The following ZNF521 variants were observed in gnomAD, a reference collection of about 807,000 sequenced individuals.
ZNF521 encodes the protein zinc finger protein 521.
In ZNF521, 14 loss-of-function variants were observed where a neutral mutation model predicts 105.5. That is an observed-to-expected ratio of 0.13 (90% CI 0.09 to 0.21). ZNF521 has a LOEUF of 0.21. Ranked by LOEUF, ZNF521 falls within the 10% of genes least tolerant of loss-of-function variation. The probability of loss-of-function intolerance (pLI) is 1.00; values close to 1 mark genes in which losing one functional copy is unlikely to be tolerated. For missense variants in ZNF521, 1,233 were observed against 1,629.7 expected, an observed-to-expected ratio of 0.76 and a Z score of 4.19; for synonymous variants, 635 against 606.0, an observed-to-expected ratio of 1.05 and a Z score of -0.70.
chr18:25,261,747 A>G (rs2144896672), intron 3 of ZNF521, among the ~76,000 whole-genome samples: 1 of 152,004 alleles, frequency 6.6e-6, no homozygotes, highest in Non-Finnish European at 1.5e-5. Flanking sequence ...CCCTGACCAG[A>G]TGGAACTCTA....
intron 5 of ZNF521, among the ~76,000 whole-genome samples, chr18:25,165,633 C>G (rs1351321837): frequency 6.6e-6 from 1 of 152,180 alleles, no homozygotes; most frequent in African/African-American, 2.4e-5. Flanking sequence ...GCTTTGTACT[C>G]AAAGTAATAA....
chr18:25,099,640 T>C (rs1057286399), intron 5 of ZNF521, among the ~76,000 whole-genome samples: 1 of 152,226 alleles, frequency 6.6e-6, no homozygotes, highest in African/African-American at 2.4e-5. Context: ...TAAACAATTT[T>C]TATTAATTGT....
At chr18:25,139,821 T>C (rs1267333631) in intron 5 of ZNF521, among the ~76,000 whole-genome samples, 1 of 152,082 alleles carries the variant, frequency 6.6e-6, no homozygotes, top group African/African-American at 2.4e-5. Flanking sequence ...TCCCTGAAGG[T>C]GGTGGTATTA....
rs144717292 is a variant in ZNF521, at chr18:25,325,964, T to C, written c.41-3777A>G. 5.0e-3 allele frequency among the ~76,000 whole-genome samples: 761 copies of C among 152,260 alleles called. 2 individuals carry two copies. The highest frequency in any genetic ancestry group is 8.4e-3 in the Non-Finnish European group (573 of 68,016). ...ATTGCTATAACTTGCTTTAATAAAA[T>C]TACAACTGTGGGGAAAATGAAAAAT... On this transcript the variant is annotated intron_variant, in intron 2 of 7. Coordinates refer to ENST00000361524, the MANE Select transcript of ZNF521 (RefSeq NM_015461.3).
rs75509956 is a variant in ZNF521 at position 25,339,944 on chromosome 18, T to C, written c.40+10963A>G. Reference sequence around the variant, plus strand: ...CTAGAAGAGATTCAAAGTGAAGCCATGGACATCACTAAAGGTTTGGGACAT... The same window carrying C: ...CTAGAAGAGATTCAAAGTGAAGCCACGGACATCACTAAAGGTTTGGGACAT... On this transcript the variant is annotated intron_variant, in intron 2 of 7. Transcript: ENST00000361524. Among the ~76,000 whole-genome samples, 401 of 152,288 alleles carry C rather than the reference T, an allele frequency of 2.6e-3. 2 individuals carry two copies. The highest frequency in any genetic ancestry group is 9.3e-3 in the African/African-American group (385 of 41,564).
intron 5 of ZNF521, among the ~76,000 whole-genome samples, chr18:25,125,851 A>G (rs1459001236): frequency 6.6e-6 from 1 of 151,954 alleles, no homozygotes; most frequent in Non-Finnish European, 1.5e-5. Context: ...TGTGGATATT[A>G]GTCCACATTT....
intron 3 of ZNF521, among the ~76,000 whole-genome samples, chr18:25,257,836 A>G (rs933034067): frequency 1.3e-5 from 2 of 152,180 alleles, no homozygotes; most frequent in African/African-American, 4.8e-5. Flanking sequence ...ATATCCCATT[A>G]TAACGGGTGA....
In ZNF521 at chr18:25,340,516, T is replaced by G. The variant is rs143223581; in HGVS notation, c.40+10391A>C. Among the ~76,000 whole-genome samples the G allele has an allele frequency of 6.6e-5, 10 of 152,300 alleles. No homozygotes were observed. The East Asian group carries it at 1.9e-3, about 29-fold the overall frequency. The stretch of plus-strand genomic sequence containing the variant: ...CTGCGTTTGGAAATTTTTGCCAGTC[T>G]TTGATTTTGTTCCATCAGCTATAAC... On this transcript the variant is annotated intron_variant, in intron 2 of 7. Transcript: ENST00000361524.
chr18:25,154,379 T>A (rs1483885436), intron 5 of ZNF521, among the ~76,000 whole-genome samples: 1 of 152,082 alleles, frequency 6.6e-6, no homozygotes, highest in African/African-American at 2.4e-5. Flanking sequence ...GACAAAAAGA[T>A]TTTTCTCAGA....
intron 3 of ZNF521, among the ~76,000 whole-genome samples, chr18:25,273,922 G>C (rs938477180): frequency 6.6e-5 from 10 of 152,204 alleles, no homozygotes; most frequent in African/African-American, 2.4e-4. Flanking sequence ...TAGAACCACA[G>C]AACTTCAGGG....
At chr18:25,111,001 G>A (rs1272958943) in intron 5 of ZNF521, among the ~76,000 whole-genome samples, 2 of 151,988 alleles carry the variant, frequency 1.3e-5, no homozygotes, top group African/African-American at 2.4e-5. Context: ...GGCCTTAAGT[G>A]TTCCACCCTC....
intron 5 of ZNF521, among the ~76,000 whole-genome samples, chr18:25,184,254 ATAAGT>A (rs2035682752): frequency 6.6e-6 from 1 of 152,184 alleles, no homozygotes; most frequent in Non-Finnish European, 1.5e-5. Flanking sequence ...TGCCTTTTAA[ATAAGT>A]TAATAGCATA....
chr18:25,241,893 G>GTTCTTCCCTTTCCGCTCATACTATCAATT (rs1907362735), intron 3 of ZNF521, among the ~76,000 whole-genome samples: 1 of 152,052 alleles, frequency 6.6e-6, no homozygotes, highest in Admixed American at 6.6e-5. Context: ...AACCCACGCT[G>GTTCTTCCCTTTCCGCTCATACTATCAATT]CCTTAGAAAA....
chr18:25,321,184 A>T (rs545528788), intron 3 of ZNF521, among the ~76,000 whole-genome samples: 275 of 152,338 alleles, frequency 1.8e-3, no homozygotes, highest in African/African-American at 4.9e-3. Context: ...GAGTGGCATC[A>T]GCTTCAAACA....
chr18:25,249,223 T>C (rs1246029572), intron 3 of ZNF521, among the ~76,000 whole-genome samples: 1 of 151,270 alleles, frequency 6.6e-6, no homozygotes, highest in Non-Finnish European at 1.5e-5. Flanking sequence ...GGCTCACTGC[T>C]CGGCTCACTG....
chr18:25,158,783 C>T (rs1335095555), intron 5 of ZNF521, among the ~76,000 whole-genome samples: 2 of 151,850 alleles, frequency 1.3e-5, no homozygotes, highest in Non-Finnish European at 2.9e-5. Context: ...TGGTGAAACC[C>T]CATCTCTACT....
chr18:25,265,939 A>G (rs1332677935), intron 3 of ZNF521, among the ~76,000 whole-genome samples: 1 of 152,200 alleles, frequency 6.6e-6, no homozygotes, highest in Non-Finnish European at 1.5e-5. Context: ...CAGGCACAGA[A>G]AGACAAACAT....
intron 5 of ZNF521, among the ~76,000 whole-genome samples, chr18:25,178,548 G>T (rs1213767117): frequency 6.6e-6 from 1 of 152,120 alleles, no homozygotes; most frequent in Non-Finnish European, 1.5e-5. Flanking sequence ...ATCCATTTTT[G>T]TCACTTTGTT....
intron 5 of ZNF521, among the ~76,000 whole-genome samples, chr18:25,144,454 A>G (rs960338283): frequency 2.0e-5 from 3 of 152,310 alleles, no homozygotes; most frequent in Non-Finnish European, 4.4e-5. Context: ...ATCTTAGAGT[A>G]ATAATTCAGC....
Sources: gnomAD v4.1 joint callset for allele counts (sites outside exome capture counted in the v4.1 genomes callset) on GRCh38, gnomAD v4.1.1 for gene constraint, MANE v1.5 for transcripts, NCBI Gene and HGNC (gene_info 2026-07-23, HGNC 2026-07-21) for gene names.